ERBB4: variants seen among roughly 807,000 people sequenced by gnomAD.
The protein encoded by ERBB4 is erb-b2 receptor tyrosine kinase 4.
Under a neutral mutation model 158.0 loss-of-function variants are expected in ERBB4, and 42 were observed. The ratio of observed to expected loss-of-function variants is 0.27; its 90% confidence interval spans 0.21 to 0.34. The LOEUF (loss-of-function observed/expected upper bound fraction) is 0.34, where lower values mean the gene tolerates loss of function less well. Ranked by LOEUF, ERBB4 falls within the 10% of genes least tolerant of loss-of-function variation. The pLI is 1.00. For missense variants in ERBB4, 1,333 were observed against 1,624.1 expected, an observed-to-expected ratio of 0.82 and a Z score of 3.08; for synonymous variants, 583 against 558.7, an observed-to-expected ratio of 1.04 and a Z score of -0.61.
intron 1 of ERBB4, among the ~76,000 whole-genome samples, chr2:212,403,917 T>G (rs554913887): frequency 6.6e-6 from 1 of 152,174 alleles, no homozygotes; most frequent in African/African-American, 2.4e-5. Context: ...CACATCTTCT[T>G]TAGGCAGGCC....
At chr2:212,437,940 T>G (rs919310248) in intron 1 of ERBB4, among the ~76,000 whole-genome samples, 4 of 152,218 alleles carry the variant, frequency 2.6e-5, no homozygotes, top group Non-Finnish European at 5.9e-5. Context: ...CTCTGGTTCC[T>G]CACAGTACCT....
At chr2:211,721,618 AACATATATAT>A (rs2074096737) in intron 7 of ERBB4, among the ~76,000 whole-genome samples, 1 of 69,872 alleles carries the variant, frequency 1.4e-5, no homozygotes, top group Non-Finnish European at 2.6e-5. Flanking sequence ...TTTGCTATTA[AACATATATAT>A]ATATATATAT....
intron 1 of ERBB4, among the ~76,000 whole-genome samples, chr2:212,230,653 G>A (rs1396989209): frequency 6.6e-6 from 1 of 152,134 alleles, no homozygotes; most frequent in African/African-American, 2.4e-5. Context: ...ATGGTTTTCT[G>A]AACATATATT....
chr2:212,194,042 G>A (rs185209419), intron 1 of ERBB4, among the ~76,000 whole-genome samples: 1 of 151,982 alleles, frequency 6.6e-6, no homozygotes, highest in African/African-American at 2.4e-5. Context: ...CTTTAAAGGT[G>A]CATTAAATTA....
chr2:212,064,208 G>A (rs1461604059), intron 2 of ERBB4, among the ~76,000 whole-genome samples: 3 of 151,972 alleles, frequency 2.0e-5, no homozygotes, highest in Non-Finnish European at 4.4e-5. Flanking sequence ...AAGGCCTGAA[G>A]CATACCTGAG....
At position 212,012,976 on chromosome 2, in the gene ERBB4, C is replaced by T. The variant is rs573850493; in HGVS notation, c.235-65360G>A. Among the ~76,000 whole-genome samples, 6 of 151,996 alleles carry T rather than the reference C, an allele frequency of 3.9e-5. No individual in the cohort carries two copies. The South Asian group carries it at 1.3e-3, about 32-fold the overall frequency. On this transcript the variant is annotated intron_variant, in intron 2 of 27. Transcript: ENST00000342788. ...CCCAGGTTGGTCTCCAAGCCCTGGG[C>T]TCAAGCCATCCCCCTGCCCCAGACT...
chr2:211,599,813 T>A (rs1007454586), intron 19 of ERBB4, among the ~76,000 whole-genome samples: 1 of 152,206 alleles, frequency 6.6e-6, no homozygotes, highest in Non-Finnish European at 1.5e-5. Context: ...TTCCCAATAT[T>A]TTAAAATTTC....
At chr2:211,480,105 T>C (rs1422174480) in intron 20 of ERBB4, among the ~76,000 whole-genome samples, 3 of 152,170 alleles carry the variant, frequency 2.0e-5, no homozygotes, top group African/African-American at 7.2e-5. Flanking sequence ...CTTAACCCTT[T>C]ATTTCTTTTT....
chr2:211,422,022 T>C lies in ERBB4; in HGVS notation c.2949A>G (p.Arg983=). Residue 983 remains arginine (R), a synonymous_variant, in exon 24 of 28, where the codon AGA becomes AGG. Transcript: ENST00000342788. ...ATGTACTCACCTGAATAACTAGGTA[T>C]CTTTGAGGGTCTCGAGCCATCCTTG... The part of the protein sequence containing the change: ...EFSRMARDPQ[R]YLVIQGDDRM... 1.2e-6 allele frequency: 2 copies of C among 1,608,362 alleles called. No homozygotes were observed. Among genetic ancestry groups the C allele is most frequent in the Non-Finnish European group, 8.5e-7 (1 of 1,175,004 alleles).
intron 20 of ERBB4, among the ~76,000 whole-genome samples, chr2:211,504,783 A>G (rs1367121312): frequency 6.6e-6 from 1 of 152,188 alleles, no homozygotes; most frequent in Non-Finnish European, 1.5e-5. Context: ...TCTGGACATG[A>G]AAATTCACTG....
At chr2:212,106,684 C>A (rs936712948) in intron 2 of ERBB4, among the ~76,000 whole-genome samples, 1 of 152,220 alleles carries the variant, frequency 6.6e-6, no homozygotes, top group African/African-American at 2.4e-5. Flanking sequence ...CAAAGCAGCC[C>A]CTCCCATCAC....
intron 3 of ERBB4, among the ~76,000 whole-genome samples, chr2:211,798,945 T>C (rs1559528219): frequency 6.6e-6 from 1 of 152,182 alleles, no homozygotes; most frequent in Non-Finnish European, 1.5e-5. Context: ...AGTAATTTCC[T>C]GTCATTTCTC....
chr2:211,387,841 G>A, intron 26 of ERBB4, 104 bp downstream of exon 26: 2 of 899,424 alleles, frequency 2.2e-6, no homozygotes, highest in South Asian at 2.6e-5. Context: ...TTAACTCACT[G>A]TTGGCAAAGG....
intron 1 of ERBB4, among the ~76,000 whole-genome samples, chr2:212,184,332 T>C (rs761399296): frequency 2.0e-5 from 3 of 152,088 alleles, no homozygotes; most frequent in Non-Finnish European, 4.4e-5. Context: ...TTTCAACTGT[T>C]ATTAATCACC....
intron 1 of ERBB4, among the ~76,000 whole-genome samples, chr2:212,180,431 G>T (rs1337016574): frequency 2.0e-5 from 3 of 151,552 alleles, no homozygotes; most frequent in African/African-American, 4.8e-5. Flanking sequence ...ATTCAAATAT[G>T]CAGAGGCAAT....
chr2:211,723,932 A>G (rs1235292449), intron 6 of ERBB4, among the ~76,000 whole-genome samples: 1 of 152,208 alleles, frequency 6.6e-6, no homozygotes, highest in Non-Finnish European at 1.5e-5. Flanking sequence ...TGAAATGATA[A>G]TTTGAAGCTC....
intron 1 of ERBB4, among the ~76,000 whole-genome samples, chr2:212,206,321 C>CCTAGGATT (rs2082743334): frequency 6.6e-6 from 1 of 152,116 alleles, no homozygotes; most frequent in African/African-American, 2.4e-5. Context: ...GGGTTCAAAT[C>CCTAGGATT]CTAGGATTGC....
intron 4 of ERBB4, among the ~76,000 whole-genome samples, chr2:211,775,573 G>C (rs1018054743): frequency 6.6e-6 from 1 of 152,158 alleles, no homozygotes; most frequent in African/African-American, 2.4e-5. Flanking sequence ...AGATGCTTTG[G>C]GTTAAGCTAC....
rs111656310 is a variant in ERBB4, at chr2:212,374,045, C to CAT, written c.82+164402_82+164403dup. 2.9e-4 allele frequency among the ~76,000 whole-genome samples: 31 copies of CAT among 106,868 alleles called. 2 individuals are homozygous for CAT. Among genetic ancestry groups the CAT allele is most frequent in the South Asian group, 1.5e-3 (5 of 3,270 alleles). 70.1% of individuals were successfully genotyped at this position (106,868 alleles called of 152,430 possible). A position where few individuals can be genotyped will look rare whatever the true frequency, so the allele number is the denominator to read the frequency against. On this transcript the variant is annotated intron_variant, in intron 1 of 27. Coordinates refer to ENST00000342788, the MANE Select transcript of ERBB4 (RefSeq NM_005235.3). ...CCATATATATATATCCATATATATC[C>CAT]ATATATATATATCCATATATATCCA...
Sources: gnomAD v4.1 joint callset for allele counts (sites outside exome capture counted in the v4.1 genomes callset) on GRCh38, gnomAD v4.1.1 for gene constraint, MANE v1.5 for transcripts, NCBI Gene and HGNC (gene_info 2026-07-23, HGNC 2026-07-21) for gene names.